Variants in USP50 observed in about 807,000 individuals in gnomAD.
The protein encoded by USP50 is ubiquitin specific peptidase 50, also known as ubiquitin carboxyl-terminal hydrolase 50.
USP50 carries 37 observed loss-of-function variants against 39.2 expected under a neutral mutation model. That is an observed-to-expected ratio of 0.94 (90% CI 0.73 to 1.24). The LOEUF (loss-of-function observed/expected upper bound fraction) is 1.24. Ranked by LOEUF, USP50 falls within the 50% of genes most tolerant of loss-of-function variation. The probability of loss-of-function intolerance (pLI) is 0.00; values close to 1 mark genes in which losing one functional copy is unlikely to be tolerated. For synonymous variants in USP50, 139 were observed against 144.5 expected (o/e 0.96, Z 0.27); for missense variants, 374 against 398.2 (o/e 0.94, Z 0.52).
intron 1 of USP50, 123 bp from the exon 2 acceptor site, chr15:50,544,904 T>C: frequency 1.1e-6 from 1 of 934,994 alleles, no homozygotes; most frequent in Non-Finnish European, 1.6e-6. Flanking sequence ...TCCAAACACA[T>C]TCCCTACCAA....
chr15:50,537,796 G>A (rs1162870508), intron 5 of USP50, among the ~76,000 whole-genome samples: 1 of 146,590 alleles, frequency 6.8e-6, no homozygotes, highest in Non-Finnish European at 1.5e-5. Context: ...GGAAGTGGAG[G>A]CTGCAAGAAC....
chr15:50,503,747 A>G (rs919708336), intron 6 of USP50: 1 of 152,230 alleles, frequency 6.6e-6, no homozygotes, highest in Non-Finnish European at 1.5e-5. Flanking sequence ...GCCAGAAGGA[A>G]ACAGAATTTC....
chr15:50,524,578 C>T (rs1422852358), intron 6 of USP50, among the ~76,000 whole-genome samples: 1 of 152,142 alleles, frequency 6.6e-6, no homozygotes, highest in Non-Finnish European at 1.5e-5. Flanking sequence ...TCACTTCACA[C>T]CTGTTAGAAT....
intron 5 of USP50, among the ~76,000 whole-genome samples, chr15:50,532,619 A>G (rs1422644863): frequency 6.6e-6 from 1 of 152,208 alleles, no homozygotes; most frequent in African/African-American, 2.4e-5. Context: ...GCATACTAAA[A>G]GGCAAAACAC....
intron 6 of USP50, 171 bp from the exon 7 acceptor site, chr15:50,501,008 C>T (rs895367780): frequency 3.3e-5 from 19 of 576,104 alleles, no homozygotes; most frequent in Middle Eastern, 9.2e-4. Context: ...TATTGCTTCT[C>T]ATTTCATTGT....
intron 6 of USP50, chr15:50,510,700 A>G (rs895554256): frequency 6.6e-6 from 1 of 152,186 alleles, no homozygotes; most frequent in African/African-American, 2.4e-5. Context: ...GAGTGAAAGT[A>G]ATAAAAGTGT....
downstream of USP50, chr15:50,495,810 G>C (rs1279952139): frequency 2.7e-6 from 4 of 1,475,412 alleles, no homozygotes; most frequent in South Asian, 2.4e-5. Flanking sequence ...TGTTTTCTTT[G>C]AGATATTAAT....
intron 6 of USP50, chr15:50,508,440 A>G (rs1265287287): frequency 6.6e-6 from 1 of 152,184 alleles, no homozygotes; most frequent in African/African-American, 2.4e-5. Flanking sequence ...CCAATTTTGT[A>G]TATGTTTGAA....
intron 1 of USP50, 122 bp from the exon 2 acceptor site, chr15:50,544,903 A>G: frequency 1.1e-6 from 1 of 944,468 alleles, no homozygotes; most frequent in Non-Finnish European, 1.5e-6. Flanking sequence ...CTCCAAACAC[A>G]TTCCCTACCA....
chr15:50,519,337 A>G (rs1455324039), intron 6 of USP50, among the ~76,000 whole-genome samples: 1 of 152,074 alleles, frequency 6.6e-6, no homozygotes, highest in East Asian at 1.9e-4. Context: ...GGACATGAAT[A>G]CACATTTCTC....
intron 6 of USP50, among the ~76,000 whole-genome samples, chr15:50,520,176 G>T (rs1162770267): frequency 6.6e-6 from 1 of 152,062 alleles, no homozygotes; most frequent in East Asian, 1.9e-4. Context: ...GGGCATGGTG[G>T]CCTATGCCTG....
chr15:50,518,228 T>G (rs562928866), intron 6 of USP50, among the ~76,000 whole-genome samples: 1 of 37,966 alleles, frequency 2.6e-5, no homozygotes, highest in African/African-American at 7.2e-5. Flanking sequence ...TCTTTTTTTG[T>G]TTTTTTTTTT....
At position 50,541,174 on chromosome 15, in the gene USP50, G is replaced by T; in HGVS notation, c.535C>A (p.Gln179Lys). ...TAATTGAGCTGCTCTTCAAACAGCT[G>T]GGTGATGATGGATGTCTCAGTGGTA... is the stretch of plus-strand genomic sequence containing the variant. ...WITTETSIITQLFEEQLNYSI... is the reference protein window; with the variant it reads ...WITTETSIITKLFEEQLNYSI... Residue 179 changes from glutamine to lysine, a missense_variant, in exon 4 of 7, where the codon CAG becomes AAG. By Grantham distance (53) the Gln-to-Lys change is moderately conservative. Transcript: ENST00000532404. 6.2e-7 allele frequency: 1 copy of T among 1,613,790 alleles called. No individual in the cohort carries two copies. Among genetic ancestry groups the T allele is most frequent in the Non-Finnish European group, 8.5e-7 (1 of 1,179,768 alleles).
chr15:50,516,406 C>A (rs1048100963), intron 6 of USP50, among the ~76,000 whole-genome samples: 1 of 152,132 alleles, frequency 6.6e-6, no homozygotes, highest in African/African-American at 2.4e-5. Flanking sequence ...CGAGACCAGA[C>A]TGCCCAAAGA....
chr15:50,529,976 A>G (rs755355581), intron 5 of USP50, 47 bp from the exon 6 acceptor site: 5 of 1,607,032 alleles, frequency 3.1e-6, no homozygotes, highest in Non-Finnish European at 4.2e-6. Flanking sequence ...CTTGTGAACC[A>G]CTCATTTGTC....
At chr15:50,542,072 CAAATCTT>C (rs1425193789) in intron 3 of USP50, among the ~76,000 whole-genome samples, 1 of 150,962 alleles carries the variant, frequency 6.6e-6, no homozygotes, top group Admixed American at 6.6e-5. Context: ...GATAAGAGAG[CAAATCTT>C]AAATTTCTAA....
intron 1 of USP50, among the ~76,000 whole-genome samples, chr15:50,545,409 G>T (rs1269867037): frequency 2.0e-5 from 3 of 151,636 alleles, no homozygotes; most frequent in Admixed American, 1.3e-4. Flanking sequence ...TACTCATGGG[G>T]TGTGTGGTGG....
intron 6 of USP50, among the ~76,000 whole-genome samples, chr15:50,519,137 C>T (rs141368363): frequency 1.3e-5 from 2 of 151,894 alleles, no homozygotes; most frequent in South Asian, 2.1e-4. Flanking sequence ...AAATGCAAAA[C>T]GTAGCCAAGC....
exon 2 of USP50, chr15:50,494,034 C>T (rs1370824429): frequency 1.3e-6 from 2 of 1,589,104 alleles, no homozygotes; most frequent in Non-Finnish European, 1.7e-6. Context: ...TTTAAATTTC[C>T]TTTATTGTCT....
Sources: allele counts gnomAD v4.1 joint callset (sites outside exome capture counted in the v4.1 genomes callset), GRCh38; gene constraint gnomAD v4.1.1; transcripts MANE v1.5; gene names NCBI Gene and HGNC (gene_info 2026-07-23, HGNC 2026-07-21).